Variants in PRLR observed in about 807,000 individuals in gnomAD.
PRLR encodes the protein prolactin receptor.
A neutral mutation model predicts 40.2 loss-of-function variants in PRLR; 13 were observed. The ratio of observed to expected loss-of-function variants is 0.32; its 90% confidence interval spans 0.21 to 0.51. The LOEUF (loss-of-function observed/expected upper bound fraction) is 0.51. Among genes scored for constraint, PRLR ranks in the 20% least tolerant of loss-of-function variants. The probability of loss-of-function intolerance (pLI) is 0.97; values close to 1 mark genes in which losing one functional copy is unlikely to be tolerated. For synonymous variants in PRLR, 269 were observed against 278.7 expected, an observed-to-expected ratio of 0.97 and a Z score of 0.35; for missense variants, 656 against 747.3, an observed-to-expected ratio of 0.88 and a Z score of 1.42.
rs182729283 is a variant in PRLR, at chr5:35,230,459, C to A, written c.-297G>T. 1.3e-5 allele frequency: 2 copies of A among 152,440 alleles called. No homozygotes were observed. The highest frequency in any genetic ancestry group is 4.8e-5 in the African/African-American group (2 of 41,588). The allele number at this position is 152,440 out of a possible 1,614,324, so 9.4% of individuals were successfully genotyped here. A position where few individuals can be genotyped will look rare whatever the true frequency, so the allele number is the denominator to read the frequency against. On this transcript the variant is annotated 5_prime_UTR_variant, in exon 1 of 10. Coordinates refer to ENST00000618457, the MANE Select transcript of PRLR (RefSeq NM_000949.7). The stretch of plus-strand genomic sequence containing the variant: ...GGATTTCAGCCTCCGCTCCCCGGTC[C>A]CCAGCCCGGTGGCTCTGTGAGAAGA...
chr5:35,063,578 A>G lies in PRLR; in HGVS notation c.*1511T>C, dbSNP rs1769171596. On this transcript the variant is annotated 3_prime_UTR_variant, in exon 10 of 10. Transcript: ENST00000618457. ...GCTATTCCCATTGCTCTGGGAAGCA[A>G]ATACCTAGTTTCCCAGAACTTTTAT... 6.6e-6 allele frequency: 1 copy of G among 152,144 alleles called. No homozygotes were observed. Among genetic ancestry groups the G allele is most frequent in the Admixed American group, 6.5e-5 (1 of 15,274 alleles). The allele number at this position is 152,144 out of a possible 1,614,324, so 9.4% of individuals were successfully genotyped here. A position where few individuals can be genotyped will look rare whatever the true frequency, so the allele number is the denominator to read the frequency against.
chr5:35,167,317 G>A (rs1216240125), intron 1 of PRLR, among the ~76,000 whole-genome samples: 2 of 152,102 alleles, frequency 1.3e-5, no homozygotes, highest in African/African-American at 2.4e-5. Flanking sequence ...AATTTTTGGA[G>A]CAAGAATAGA....
At chr5:35,142,261 T>C (rs1774048064) in intron 1 of PRLR, among the ~76,000 whole-genome samples, 1 of 152,148 alleles carries the variant, frequency 6.6e-6, no homozygotes. Context: ...TATCACAGAA[T>C]TGGGGCTTTC....
chr5:35,225,936 C>A (rs1463260461), intron 1 of PRLR, among the ~76,000 whole-genome samples: 4 of 152,224 alleles, frequency 2.6e-5, no homozygotes, highest in African/African-American at 9.6e-5. Flanking sequence ...CCCGCCTCGG[C>A]CTCCTAAAGT....
intron 1 of PRLR, among the ~76,000 whole-genome samples, chr5:35,206,646 G>A (rs1433612227): frequency 6.6e-6 from 1 of 152,036 alleles, no homozygotes; most frequent in Non-Finnish European, 1.5e-5. Context: ...TCATGTCTTT[G>A]ACTTTGCTAA....
At chr5:35,166,560 G>A (rs1774838194) in intron 1 of PRLR, among the ~76,000 whole-genome samples, 1 of 152,120 alleles carries the variant, frequency 6.6e-6, no homozygotes, top group African/African-American at 2.4e-5. Flanking sequence ...TGAGCCTTTG[G>A]ACTGATTTTG....
At chr5:35,148,675 T>A (rs1162389527) in intron 1 of PRLR, among the ~76,000 whole-genome samples, 7 of 152,308 alleles carry the variant, frequency 4.6e-5, no homozygotes, top group African/African-American at 1.4e-4. Context: ...ATGAAATACA[T>A]GCACAATAAA....
chr5:35,173,696 A>T (rs1312128858), intron 1 of PRLR, among the ~76,000 whole-genome samples: 1 of 152,234 alleles, frequency 6.6e-6, no homozygotes, highest in African/African-American at 2.4e-5. Context: ...TGTCTTCAAA[A>T]CACATCACAT....
chr5:35,157,771 G>A (rs6863133), intron 1 of PRLR, among the ~76,000 whole-genome samples: 2,307 of 152,272 alleles, frequency 0.015, 58 homozygotes, highest in African/African-American at 0.051. Flanking sequence ...AAAATTTCCC[G>A]TCTTGAAAAG....
chr5:35,093,755 T>C (rs562420590), intron 2 of PRLR, among the ~76,000 whole-genome samples: 2 of 152,380 alleles, frequency 1.3e-5, no homozygotes, highest in East Asian at 3.9e-4. Context: ...TTTCAGTTAA[T>C]GATGGACCAT....
At chr5:35,048,782 C>G (rs1233894426) in exon 9 of PRLR, 2 of 203,204 alleles carry the variant, frequency 9.8e-6, no homozygotes, top group East Asian at 1.0e-4. Context: ...TAAGATCCAA[C>G]CAGGTTGCGA....
intron 1 of PRLR, among the ~76,000 whole-genome samples, chr5:35,151,127 G>T (rs1774329511): frequency 6.6e-6 from 1 of 152,158 alleles, no homozygotes; most frequent in Non-Finnish European, 1.5e-5. Flanking sequence ...GGGTACACAG[G>T]AGGGCCATGC....
chr5:35,206,307 C>T (rs377571361), intron 1 of PRLR, among the ~76,000 whole-genome samples: 4 of 151,556 alleles, frequency 2.6e-5, no homozygotes, highest in Middle Eastern at 3.4e-3. Context: ...TAAAAGGTGG[C>T]GAATCTTAAG....
At chr5:35,116,547 C>T (rs973393934) in intron 2 of PRLR, among the ~76,000 whole-genome samples, 2 of 152,162 alleles carry the variant, frequency 1.3e-5, no homozygotes, top group Non-Finnish European at 2.9e-5. Flanking sequence ...GCTTTCTGAC[C>T]TCTTCAAACT....
At chr5:35,177,151 CT>C (rs1775171973) in intron 1 of PRLR, among the ~76,000 whole-genome samples, 1 of 152,236 alleles carries the variant, frequency 6.6e-6, no homozygotes, top group African/African-American at 2.4e-5. Context: ...ACACCTCCCC[CT>C]CTTCGAGAAA....
At chr5:35,130,967 G>A (rs1773650518) in intron 1 of PRLR, among the ~76,000 whole-genome samples, 1 of 152,180 alleles carries the variant, frequency 6.6e-6, no homozygotes, top group Non-Finnish European at 1.5e-5. Flanking sequence ...GGCAAGGGAG[G>A]ACTCCACCCA....
intron 1 of PRLR, among the ~76,000 whole-genome samples, chr5:35,187,072 C>T (rs1044754916): frequency 2.0e-5 from 3 of 152,138 alleles, no homozygotes; most frequent in Admixed American, 6.5e-5. Context: ...AAGCCGGTCT[C>T]CTGATCAGTA....
intron 1 of PRLR, among the ~76,000 whole-genome samples, chr5:35,146,611 G>A (rs2111843820): frequency 6.6e-6 from 1 of 152,258 alleles, no homozygotes; most frequent in South Asian, 2.1e-4. Context: ...GAACACAATG[G>A]GGCACCCCAC....
chr5:35,209,387 T>C (rs1468947085), intron 1 of PRLR, among the ~76,000 whole-genome samples: 1 of 152,160 alleles, frequency 6.6e-6, no homozygotes, highest in African/African-American at 2.4e-5. Flanking sequence ...ATTTCACTTA[T>C]CAAAGAAATG....
Sources: allele counts gnomAD v4.1 joint callset (sites outside exome capture counted in the v4.1 genomes callset), GRCh38; gene constraint gnomAD v4.1.1; transcripts MANE v1.5; gene names NCBI Gene and HGNC (gene_info 2026-07-23, HGNC 2026-07-21).